The following MLKL variants were observed in gnomAD, a reference collection of about 807,000 sequenced individuals.
MLKL encodes mixed lineage kinase domain-like protein.
In MLKL, 55 loss-of-function variants were observed where a neutral mutation model predicts 56.5. The observed-to-expected ratio is 0.97, with a 90% CI of 0.78 to 1.22. MLKL has a LOEUF of 1.22. MLKL is among the 50% of genes most tolerant of loss of function. The probability of loss-of-function intolerance (pLI) is 0.00; values close to 1 mark genes in which losing one functional copy is unlikely to be tolerated. For missense variants in MLKL, 694 were observed against 573.9 expected, an observed-to-expected ratio of 1.21 and a Z score of -2.14; for synonymous variants, 251 against 208.3, an observed-to-expected ratio of 1.20 and a Z score of -1.76.
chr16:74,683,292 C>CAAA (rs35354922), intron 5 of MLKL, among the ~76,000 whole-genome samples: 5 of 131,152 alleles, frequency 3.8e-5, no homozygotes, highest in Non-Finnish European at 3.2e-5. Context: ...CACTACATCT[C>CAAA]AAAAAAAAAA....
chr16:74,676,018 G>C (rs1959574303), intron 7 of MLKL: 2 of 476,074 alleles, frequency 4.2e-6, no homozygotes, highest in South Asian at 3.1e-5. Flanking sequence ...GGGATTACTT[G>C]AGATAATGGT....
In MLKL at chr16:74,695,568, G is replaced by A. The variant is rs753060513; in HGVS notation, c.190C>T (p.Arg64Cys). 16 of 1,614,010 alleles carry A rather than the reference G, an allele frequency of 9.9e-6. No homozygotes were observed. Among genetic ancestry groups the A allele is most frequent in the African/African-American group, 4.0e-5 (3 of 74,902 alleles). ...GCCTCCTCCAGGGCAGCCTTGAAGC[G>A]GTTCATGGCTGTGGTTAACTTCTCA... ...PSEKLTTAMN[R>C]FKAALEEANG... The change falls in exon 2 of 11, where the codon CGC (arginine) becomes TGC (cysteine). Residue 64 changes from arginine to cysteine, a missense_variant. Physicochemically the swap from Arg to Cys is radical, Grantham distance 180. Coordinates refer to ENST00000308807, the MANE Select transcript of MLKL (RefSeq NM_152649.4).
intron 6 of MLKL, among the ~76,000 whole-genome samples, chr16:74,681,793 C>T (rs1364554952): frequency 6.7e-6 from 1 of 149,088 alleles, no homozygotes; most frequent in African/African-American, 2.5e-5. Context: ...GACTCCATCT[C>T]AAGAAGAAAA....
chr16:74,691,132 C>T, intron 4 of MLKL, 145 bp downstream of exon 4: 1 of 623,372 alleles, frequency 1.6e-6, no homozygotes, highest in Non-Finnish European at 2.7e-6. Context: ...TAAGTCAAGA[C>T]TCTGCTCCTT....
chr16:74,688,788 G>C (rs891890355), intron 4 of MLKL, among the ~76,000 whole-genome samples: 1 of 151,982 alleles, frequency 6.6e-6, no homozygotes, highest in Non-Finnish European at 1.5e-5. Flanking sequence ...TAATCAAAAA[G>C]TGGAAAAAAC....
intron 4 of MLKL, among the ~76,000 whole-genome samples, chr16:74,690,951 T>C (rs1039006807): frequency 5.3e-5 from 8 of 151,758 alleles, no homozygotes; most frequent in Admixed American, 4.6e-4. Flanking sequence ...ACATGAAAAA[T>C]GTATGCATAC....
intron 6 of MLKL, among the ~76,000 whole-genome samples, chr16:74,680,058 G>A (rs901173091): frequency 3.3e-5 from 5 of 152,174 alleles, no homozygotes; most frequent in Non-Finnish European, 7.3e-5. Flanking sequence ...CAGTGGTTAT[G>A]GACTGTGTTG....
chr16:74,679,145 G>A lies in MLKL; in HGVS notation c.957-165C>T, dbSNP rs556602545. ...AGGCAAGGTTTGAGAATCACAAGCC[G>A]TGAGTATAGAACAGAGATGAGATTC... On this transcript the variant is annotated intron_variant, in intron 6 of 10. Transcript: ENST00000308807. Among the ~76,000 whole-genome samples the A allele has an allele frequency of 7.2e-5, 11 of 152,330 alleles. No homozygotes were observed. The South Asian group carries it at 1.7e-3, about 23-fold the overall frequency.
chr16:74,674,857 C>T, intron 10 of MLKL, 103 bp downstream of exon 10: 3 of 1,398,226 alleles, frequency 2.1e-6, no homozygotes, highest in Non-Finnish European at 2.0e-6. Context: ...GATAAAACCA[C>T]CCCTCGTTGT....
intron 1 of MLKL, among the ~76,000 whole-genome samples, chr16:74,697,373 C>A (rs1388813542): frequency 6.6e-6 from 1 of 152,128 alleles, no homozygotes; most frequent in African/African-American, 2.4e-5. Flanking sequence ...AACCAATAAC[C>A]TCCCTGATTG....
Position 74,675,363 on chromosome 16 carries a change from G to A in MLKL, c.1232C>T (p.Pro411Leu), listed in dbSNP as rs372730333. 1.3e-5 allele frequency: 21 copies of A among 1,613,982 alleles called. No homozygotes were observed. The highest frequency in any genetic ancestry group is 3.3e-5 in the South Asian group (3 of 91,078). The change falls in exon 9 of 11, where the codon CCG becomes CTG. Residue 411 changes from proline to leucine, a missense_variant. Pro to Leu is a moderately conservative substitution (Grantham distance 98). Transcript: ENST00000308807. ...VLWEIATGDI[P>L]FQGCNSEKIR... ...GTCTTCACATTCTTCACCTTGAAAC[G>A]GGATATCTCCAGTGGCGATTTCCCA...
intron 6 of MLKL, among the ~76,000 whole-genome samples, chr16:74,679,567 G>T (rs1959811183): frequency 6.6e-6 from 1 of 152,100 alleles, no homozygotes; most frequent in Admixed American, 6.6e-5. Context: ...CCACACTTTG[G>T]GAGACCAAGG....
chr16:74,685,847 G>C (rs1273559318), intron 4 of MLKL, among the ~76,000 whole-genome samples: 1 of 152,110 alleles, frequency 6.6e-6, no homozygotes, highest in Non-Finnish European at 1.5e-5. Context: ...TGATAGAATT[G>C]TATTTTTATG....
At chr16:74,692,889 T>C (rs1372449848) in intron 2 of MLKL, among the ~76,000 whole-genome samples, 2 of 152,242 alleles carry the variant, frequency 1.3e-5, no homozygotes, top group Non-Finnish European at 2.9e-5. Flanking sequence ...TCCTGATTTA[T>C]ATACTCAGAA....
rs374221787 is a variant in MLKL, at chr16:74,692,214, T to C, written c.535+128A>G. 1.3e-4 allele frequency: 101 copies of C among 802,234 alleles called. No homozygotes were observed. The African/African-American group carries it at 1.7e-3, about 14-fold the overall frequency. The allele number at this position is 802,234 out of a possible 1,614,324, so 49.7% of individuals were successfully genotyped here. On this transcript the variant is annotated intron_variant, in intron 3 of 10. Coordinates refer to ENST00000308807, the MANE Select transcript of MLKL (RefSeq NM_152649.4). ...AGCCATGAATGGATCCCCAAACCTG[T>C]GGGCTGCTTCCAGCCATCCAGCACA...
At chr16:74,679,042 C>A in intron 6 of MLKL, 62 bp from the exon 7 acceptor site, 1 of 1,336,882 alleles carries the variant, frequency 7.5e-7, no homozygotes, top group Non-Finnish European at 1.1e-6. Context: ...GGGGGACTGA[C>A]AATCATAACT....
At position 74,675,005 on chromosome 16, in the gene MLKL, C is replaced by G. The variant is rs866534564; in HGVS notation, c.1336G>C (p.Asp446His). 1 of 1,614,202 alleles carries G rather than the reference C, an allele frequency of 6.2e-7. No homozygotes were observed. The highest frequency in any genetic ancestry group is 8.5e-7 in the Non-Finnish European group (1 of 1,180,034). Residue 446 changes from aspartate to histidine, a missense_variant, in exon 10 of 11, where the codon GAT (aspartate) becomes CAT (histidine). Physicochemically the swap from Asp to His is moderately conservative, Grantham distance 81 (BLOSUM62 -1). Coordinates refer to ENST00000308807, the MANE Select transcript of MLKL (RefSeq NM_152649.4). ...DCPSELREII[D>H]ECRAHDPSVR... ...GAGGGATCATGGGCCCGGCACTCAT[C>G]AATGATCTCCCGCAGCTCTGAAGGG...
chr16:74,676,377 A>T (rs1292507642), intron 7 of MLKL: 2 of 985,336 alleles, frequency 2.0e-6, no homozygotes, highest in Admixed American at 1.2e-4. Flanking sequence ...CATTGACACC[A>T]TTGGTGTGCT....
intron 7 of MLKL, chr16:74,676,105 T>C: frequency 2.9e-6 from 1 of 340,152 alleles, no homozygotes; most frequent in African/African-American, 2.2e-5. Flanking sequence ...GTTTCTCAGT[T>C]GAGGACTGAA....
Sources: gnomAD v4.1 joint callset for allele counts (sites outside exome capture counted in the v4.1 genomes callset) on GRCh38, gnomAD v4.1.1 for gene constraint, MANE v1.5 for transcripts, NCBI Gene and HGNC (gene_info 2026-07-23, HGNC 2026-07-21) for gene names.